Variants in GPC5 observed in about 807,000 individuals in gnomAD.
GPC5 encodes the protein glypican-5.
GPC5 carries 47 observed loss-of-function variants against 53.9 expected under a neutral mutation model. The observed-to-expected ratio is 0.87, with a 90% CI of 0.69 to 1.11. The LOEUF (loss-of-function observed/expected upper bound fraction) is 1.11, where lower values mean the gene tolerates loss of function less well. GPC5 is among the 50% of genes most tolerant of loss of function. GPC5 has a pLI of 0.00. For missense variants in GPC5, 748 were observed against 713.1 expected (o/e 1.05, Z -0.56); for synonymous variants, 286 against 263.3 (o/e 1.09, Z -0.84).
intron 5 of GPC5, among the ~76,000 whole-genome samples, chr13:91,898,447 A>G (rs1427493458): frequency 6.6e-6 from 1 of 152,182 alleles, no homozygotes; most frequent in Non-Finnish European, 1.5e-5. Flanking sequence ...GTCTTCGCGT[A>G]TAATTGTCAC....
intron 6 of GPC5, among the ~76,000 whole-genome samples, chr13:92,002,706 A>T (rs564949662): frequency 1.3e-5 from 2 of 152,374 alleles, no homozygotes; most frequent in Admixed American, 1.3e-4. Flanking sequence ...AATGGAACAT[A>T]TAAAGTGAAC....
At chr13:92,406,432 A>G (rs1875798015) in intron 7 of GPC5, among the ~76,000 whole-genome samples, 2 of 152,182 alleles carry the variant, frequency 1.3e-5, no homozygotes, top group South Asian at 2.1e-4. Flanking sequence ...ATTTTCTTCC[A>G]CTACCAAAAT....
At chr13:92,342,499 G>A (rs1459049952) in intron 7 of GPC5, among the ~76,000 whole-genome samples, 3 of 152,026 alleles carry the variant, frequency 2.0e-5, no homozygotes, top group South Asian at 2.1e-4. Flanking sequence ...AAAAAGACCT[G>A]GGAAGGCTTG....
chr13:92,374,867 T>A (rs1208418113), intron 7 of GPC5, among the ~76,000 whole-genome samples: 15 of 110,000 alleles, frequency 1.4e-4, no homozygotes, highest in South Asian at 2.8e-4. Context: ...AAAAAAAAAA[T>A]AGAAAAAAAA....
At chr13:92,718,128 G>A (rs972122649) in intron 7 of GPC5, among the ~76,000 whole-genome samples, 4 of 152,124 alleles carry the variant, frequency 2.6e-5, no homozygotes, top group Non-Finnish European at 2.9e-5. Context: ...CAGCTACTAT[G>A]GAAAACAGTA....
chr13:92,450,543 T>C (rs572837029), intron 7 of GPC5, among the ~76,000 whole-genome samples: 31 of 152,244 alleles, frequency 2.0e-4, no homozygotes, highest in African/African-American at 6.3e-4. Flanking sequence ...GGTTTTTGGA[T>C]TGGGGATGTT....
intron 2 of GPC5, among the ~76,000 whole-genome samples, chr13:91,504,999 T>A (rs901498761): frequency 1.3e-5 from 2 of 152,054 alleles, no homozygotes; most frequent in African/African-American, 2.4e-5. Flanking sequence ...CCTGGAAACT[T>A]GAACAAATGG....
intron 7 of GPC5, among the ~76,000 whole-genome samples, chr13:92,715,136 A>G (rs1888285844): frequency 6.6e-6 from 1 of 152,188 alleles, no homozygotes; most frequent in Non-Finnish European, 1.5e-5. Context: ...CAGATTTTGT[A>G]CGTATACATG....
intron 6 of GPC5, among the ~76,000 whole-genome samples, chr13:92,023,938 A>G (rs2040780489): frequency 6.6e-6 from 1 of 152,084 alleles, no homozygotes; most frequent in South Asian, 2.1e-4. Flanking sequence ...TTAAAAATTA[A>G]GTTGATTTAA....
chr13:92,635,041 A>T (rs935414237), intron 7 of GPC5, among the ~76,000 whole-genome samples: 1 of 151,986 alleles, frequency 6.6e-6, no homozygotes. Context: ...ATTTTGACAC[A>T]GTAAAATATT....
chr13:92,241,409 C>G (rs979519886), intron 7 of GPC5: 1 of 152,110 alleles, frequency 6.6e-6, no homozygotes, highest in Non-Finnish European at 1.5e-5. Flanking sequence ...ATTTTATGAG[C>G]AAATGCTGGA....
At chr13:91,555,958 G>A (rs1480659180) in intron 2 of GPC5, among the ~76,000 whole-genome samples, 3 of 151,956 alleles carry the variant, frequency 2.0e-5, no homozygotes, top group Non-Finnish European at 4.4e-5. Context: ...AATTCAAGAT[G>A]AGATTTGGGT....
In GPC5 at chr13:91,410,698, C is replaced by A. The variant is rs147257435; in HGVS notation, c.163+11489C>A. 2.5e-3 allele frequency among the ~76,000 whole-genome samples: 373 copies of A among 152,228 alleles called. 2 individuals carry two copies. The highest frequency in any genetic ancestry group is 8.8e-3 in the African/African-American group (366 of 41,540). On this transcript the variant is annotated intron_variant, in intron 1 of 7. Coordinates refer to ENST00000377067, the MANE Select transcript of GPC5 (RefSeq NM_004466.6). ...TTTCAAATATTTGCCTCCCCTCACT[C>A]CCTCTCAAGGTATTAATCCTGTACT...
intron 7 of GPC5, among the ~76,000 whole-genome samples, chr13:92,439,144 C>T (rs1041050273): frequency 6.6e-6 from 1 of 152,120 alleles, no homozygotes; most frequent in Non-Finnish European, 1.5e-5. Context: ...ATATAATTAT[C>T]TGGTCCACTG....
intron 7 of GPC5, among the ~76,000 whole-genome samples, chr13:92,670,578 T>C (rs1015855344): frequency 6.6e-6 from 1 of 152,202 alleles, no homozygotes; most frequent in African/African-American, 2.4e-5. Context: ...GATTTCTCAT[T>C]CTTTCCATCT....
At chr13:92,158,769 G>GT (rs1392122231) in intron 7 of GPC5, among the ~76,000 whole-genome samples, 8 of 151,996 alleles carry the variant, frequency 5.3e-5, no homozygotes, top group Non-Finnish European at 1.2e-4. Flanking sequence ...TTTTAAAACT[G>GT]TTTTTTGCTG....
intron 7 of GPC5, among the ~76,000 whole-genome samples, chr13:92,709,213 ATTT>A (rs879838843): frequency 3.7e-5 from 5 of 135,558 alleles, no homozygotes; most frequent in South Asian, 2.3e-4. Flanking sequence ...CGCCCAGCTA[ATTT>A]TTTTTTTTTT....
intron 1 of GPC5, among the ~76,000 whole-genome samples, chr13:91,414,229 G>A (rs572719563): frequency 2.0e-5 from 3 of 152,192 alleles, no homozygotes; most frequent in Non-Finnish European, 4.4e-5. Context: ...TCTTGTGATA[G>A]TGAGTGAGTT....
Position 91,840,715 on chromosome 13 carries a change from C to T in GPC5, c.1281-67222C>T, listed in dbSNP as rs2038775887. Among the ~76,000 whole-genome samples the T allele has an allele frequency of 2.7e-5, 4 of 150,456 alleles. No individual in the cohort carries two copies. The South Asian group carries it at 8.4e-4, about 32-fold the overall frequency. On this transcript the variant is annotated intron_variant, in intron 5 of 7. Coordinates refer to ENST00000377067, the MANE Select transcript of GPC5 (RefSeq NM_004466.6). ...TACTTAATTTTTAAAATTTCTAATGCTAGCACACAATGACATAAGTTCCTA... is the reference window on the plus strand; with the variant it reads ...TACTTAATTTTTAAAATTTCTAATGTTAGCACACAATGACATAAGTTCCTA...
Sources: gnomAD v4.1 joint callset for allele counts (sites outside exome capture counted in the v4.1 genomes callset) on GRCh38, gnomAD v4.1.1 for gene constraint, MANE v1.5 for transcripts, NCBI Gene and HGNC (gene_info 2026-07-23, HGNC 2026-07-21) for gene names.